The following STX6 variants were observed in gnomAD, a reference collection of about 807,000 sequenced individuals.
The protein encoded by STX6 is syntaxin 6.
Under a neutral mutation model 38.0 loss-of-function variants are expected in STX6, and 23 were observed. The ratio of observed to expected loss-of-function variants is 0.60; its 90% CI spans 0.43 to 0.86. STX6 has a LOEUF of 0.86. Among genes scored for constraint, STX6 ranks in the 40% least tolerant of loss-of-function variants. STX6 has a pLI of 0.00. For missense variants in STX6, 274 were observed against 312.9 expected, an observed-to-expected ratio of 0.88 and a Z score of 0.94; for synonymous variants, 123 against 107.5, an observed-to-expected ratio of 1.14 and a Z score of -0.89.
intron 1 of STX6, among the ~76,000 whole-genome samples, chr1:181,018,112 C>T (rs184306082): frequency 2.4e-4 from 37 of 152,108 alleles, no homozygotes; most frequent in Non-Finnish European, 5.1e-4. Context: ...AGGCCAGGCG[C>T]GGTGGCTCAT....
Position 180,972,788 on chromosome 1 carries a change from AC to A in STX6, c.*3781del. Reference sequence around the variant, plus strand: ...TTTGTACATACTGTTGTCCTGAGTAACAGTATCTCTAAGCTGAGTTACTCTG... The same window carrying A: ...TTTGTACATACTGTTGTCCTGAGTAAAGTATCTCTAAGCTGAGTTACTCTG... On this transcript the variant is annotated 3_prime_UTR_variant, in exon 8 of 8. Coordinates refer to ENST00000258301, the MANE Select transcript of STX6 (RefSeq NM_005819.6). 2 of 361,066 alleles carry A rather than the reference AC, an allele frequency of 5.5e-6. No homozygotes were observed. The highest frequency in any genetic ancestry group is 5.5e-6 in the Non-Finnish European group (1 of 181,832). 22.4% of individuals were successfully genotyped at this position (361,066 alleles called of 1,614,324 possible). A position where few individuals can be genotyped will look rare whatever the true frequency, so the allele number is the denominator to read the frequency against.
intron 3 of STX6, among the ~76,000 whole-genome samples, chr1:180,998,918 A>T: frequency 6.6e-6 from 1 of 152,262 alleles, no homozygotes; most frequent in East Asian, 1.9e-4. Flanking sequence ...CCAAAGGAAC[A>T]ACAAATGTCC....
chr1:180,990,327 CACAATGGGCTTTGTCCCCTT>C (rs1655719716), intron 4 of STX6, among the ~76,000 whole-genome samples: 1 of 152,156 alleles, frequency 6.6e-6, no homozygotes, highest in African/African-American at 2.4e-5. Flanking sequence ...CAATAGGCCT[CACAATGGGCTTTGTCCCCTT>C]AAAGTGCAAA....
At chr1:180,984,631 T>C in intron 7 of STX6, 46 bp downstream of exon 7, 1 of 833,954 alleles carries the variant, frequency 1.2e-6, no homozygotes. Flanking sequence ...CAAGACAGAG[T>C]TCTAGAATTA....
chr1:180,979,453 T>A (rs952947479), intron 7 of STX6, among the ~76,000 whole-genome samples: 1 of 152,224 alleles, frequency 6.6e-6, no homozygotes, highest in Non-Finnish European at 1.5e-5. Context: ...AAAGAGAGTC[T>A]TTTCAACAAA....
At position 181,014,865 on chromosome 1, in the gene STX6, T is replaced by C. The variant is rs112447313; in HGVS notation, c.35+7774A>G. Reference sequence around the variant, plus strand: ...TATTTTGTAATTACTCTTGTGAAAATGAAACATCATTTTTACTCAGTTACC... The same window carrying C: ...TATTTTGTAATTACTCTTGTGAAAACGAAACATCATTTTTACTCAGTTACC... On this transcript the variant is annotated intron_variant, in intron 1 of 7. Coordinates refer to ENST00000258301, the MANE Select transcript of STX6 (RefSeq NM_005819.6). Among the ~76,000 whole-genome samples, 617 of 152,336 alleles carry C rather than the reference T, an allele frequency of 4.1e-3. 6 individuals carry two copies. Among genetic ancestry groups the C allele is most frequent in the African/African-American group, 0.014 (571 of 41,560 alleles).
At chr1:181,015,438 G>C (rs1440388776) in intron 1 of STX6, among the ~76,000 whole-genome samples, 1 of 151,954 alleles carries the variant, frequency 6.6e-6, no homozygotes, top group Non-Finnish European at 1.5e-5. Context: ...AGTCATTTTT[G>C]ACTCCTCCTC....
chr1:180,990,116 GAGA>G lies in STX6; in HGVS notation c.364-10_364-8del, dbSNP rs371929036. ...CACTGTCTCCCAGCAGTGCCTGTGT[GAGA>G]AGAACAACCAGAGGAGTCAGGAGAA... is the stretch of plus-strand genomic sequence containing the variant. On this transcript the variant is annotated splice_region_variant and splice_polypyrimidine_tract_variant and intron_variant, in intron 4 of 7. Coordinates refer to ENST00000258301, the MANE Select transcript of STX6 (RefSeq NM_005819.6). 4.5e-4 allele frequency: 731 copies of G among 1,614,080 alleles called. 1 individual carries two copies. The African/African-American group carries it at 8.9e-3, about 20-fold the overall frequency.
At chr1:180,990,248 G>A (rs1558090200) in intron 4 of STX6, 139 bp from the exon 5 acceptor site, 2 of 1,065,362 alleles carry the variant, frequency 1.9e-6, no homozygotes, top group Non-Finnish European at 2.7e-6. Context: ...ATGTAGTGGT[G>A]TAGGTTGGTG....
rs1379835670 is a variant in STX6, at chr1:181,022,707, G to A, written c.-34C>T. On this transcript the variant is annotated 5_prime_UTR_variant, in exon 1 of 8. Coordinates refer to ENST00000258301, the MANE Select transcript of STX6 (RefSeq NM_005819.6). Reference sequence around the variant, plus strand: ...GGCCCCGGCCGCCTTCACCTCCTCCGCGCACAGGGCGCCCGTGCCTCCCGG... The same window carrying A: ...GGCCCCGGCCGCCTTCACCTCCTCCACGCACAGGGCGCCCGTGCCTCCCGG... The A allele has an allele frequency of 1.3e-6, 2 of 1,587,010 alleles. No homozygotes were observed. The highest frequency in any genetic ancestry group is 1.1e-5 in the South Asian group (1 of 88,204).
intron 7 of STX6, chr1:180,980,539 C>T (rs1468960039): frequency 7.1e-6 from 1 of 140,598 alleles, no homozygotes; most frequent in African/African-American, 2.6e-5. Context: ...CATATAAAAA[C>T]CTGCACTTTT....
At chr1:180,996,701 T>G (rs1156465381) in intron 3 of STX6, among the ~76,000 whole-genome samples, 2 of 152,078 alleles carry the variant, frequency 1.3e-5, no homozygotes, top group African/African-American at 2.4e-5. Context: ...GCCTCCCAAG[T>G]AGCTGGGACT....
chr1:181,018,388 CAAAAAAAAAAAAAAAA>C, intron 1 of STX6, among the ~76,000 whole-genome samples: 1 of 43,048 alleles, frequency 2.3e-5, no homozygotes, highest in Admixed American at 3.6e-4. Flanking sequence ...GACTCTGTCC[CAAAAAAAAAAAAAAAA>C]AAAAAAAAAA....
At position 181,005,459 on chromosome 1, in the gene STX6, C is replaced by T. The variant is rs1239358974; in HGVS notation, c.40G>A (p.Val14Ile). The T allele has an allele frequency of 6.2e-7, 1 of 1,612,480 alleles. No homozygotes were observed. The highest frequency in any genetic ancestry group is 2.2e-5 in the East Asian group (1 of 44,838). The change falls in exon 2 of 8, where the codon GTA (valine) becomes ATA (isoleucine). Residue 14 changes from valine to isoleucine, a missense_variant. By Grantham distance (29) the Val-to-Ile change is conservative (BLOSUM62 3). Coordinates refer to ENST00000258301, the MANE Select transcript of STX6 (RefSeq NM_005819.6). ...EDPFFVVKGE[V>I]QKAVNTAQGL... is the part of the protein sequence containing the mutation. The stretch of plus-strand genomic sequence containing the variant: ...TGGGCAGTGTTGACTGCTTTCTGTA[C>T]CTCTCTGTAATCAAGATGAGGCAAA...
At position 181,022,630 on chromosome 1, in the gene STX6, G is replaced by A. The variant is rs1656775578; in HGVS notation, c.35+9C>T. The A allele has an allele frequency of 1.2e-6, 2 of 1,608,442 alleles. No homozygotes were observed. The highest frequency in any genetic ancestry group is 1.3e-5 in the African/African-American group (1 of 74,604). The stretch of plus-strand genomic sequence containing the variant: ...TCTTCCTCCGGTGGAGCGCTCGGCC[G>A]ACACTCACCCTTTCACCACAAAGAA... On this transcript the variant is annotated intron_variant, in intron 1 of 7. Transcript: ENST00000258301.
intron 1 of STX6, among the ~76,000 whole-genome samples, chr1:181,013,509 AG>A (rs1324982162): frequency 6.6e-6 from 1 of 152,174 alleles, no homozygotes. Flanking sequence ...TTGTAGAAAC[AG>A]GGTCTCGCTG....
intron 6 of STX6, among the ~76,000 whole-genome samples, chr1:180,987,281 A>G (rs1655615734): frequency 6.6e-6 from 1 of 152,178 alleles, no homozygotes; most frequent in Non-Finnish European, 1.5e-5. Context: ...TTCAGATTTC[A>G]GTTAAACCCC....
At chr1:181,010,943 A>G (rs570319793) in intron 1 of STX6, among the ~76,000 whole-genome samples, 6 of 152,324 alleles carry the variant, frequency 3.9e-5, no homozygotes, top group African/African-American at 1.4e-4. Context: ...AGGAGTGTGC[A>G]TGGGTGGATT....
intron 1 of STX6, among the ~76,000 whole-genome samples, chr1:181,022,196 G>A (rs1656751006): frequency 6.6e-6 from 1 of 151,220 alleles, no homozygotes; most frequent in Non-Finnish European, 1.5e-5. Context: ...AATGGACAAT[G>A]GAGCTCACCC....
Sources: allele counts gnomAD v4.1 joint callset (sites outside exome capture counted in the v4.1 genomes callset), GRCh38; gene constraint gnomAD v4.1.1; transcripts MANE v1.5; gene names NCBI Gene and HGNC (gene_info 2026-07-23, HGNC 2026-07-21).